The following PDLIM1 variants were observed in gnomAD, a reference collection of about 807,000 sequenced individuals.
PDLIM1 encodes PDZ and LIM domain 1.
PDLIM1 carries 25 observed loss-of-function variants against 35.2 expected under a neutral mutation model. That is an observed-to-expected ratio of 0.71 (90% CI 0.52 to 0.99). The LOEUF (loss-of-function observed/expected upper bound fraction) is 0.99. Among genes scored for constraint, PDLIM1 ranks in the 50% least tolerant of loss-of-function variants. PDLIM1 has a pLI of 0.00. For missense variants in PDLIM1, 363 were observed against 415.3 expected (o/e 0.87, Z 1.09); for synonymous variants, 152 against 154.0 (o/e 0.99, Z 0.10).
At chr10:95,289,458 A>G (rs1336247659) in intron 1 of PDLIM1, among the ~76,000 whole-genome samples, 1 of 152,192 alleles carries the variant, frequency 6.6e-6, no homozygotes, top group African/African-American at 2.4e-5. Context: ...GTGGAAGATA[A>G]GGCCCAAAAA....
intron 2 of PDLIM1, among the ~76,000 whole-genome samples, chr10:95,271,248 C>G (rs1399012681): frequency 6.6e-6 from 1 of 150,622 alleles, no homozygotes; most frequent in African/African-American, 2.4e-5. Context: ...GCCAGCCTGG[C>G]CAACATGGTG....
At position 95,268,774 on chromosome 10, in the gene PDLIM1, T is replaced by G; in HGVS notation, c.333+4A>C. 6.3e-7 allele frequency: 1 copy of G among 1,595,840 alleles called. No homozygotes were observed. The highest frequency in any genetic ancestry group is 8.6e-7 in the Non-Finnish European group (1 of 1,163,302). On this transcript the variant is annotated splice_donor_region_variant and intron_variant, in intron 3 of 6. Transcript: ENST00000329399. Reference sequence around the variant, plus strand: ...AGCAGCGGCAACGATGAGCAAGAACTTACCTGGGGTTCAGAGGCTAAATTC... The same window carrying G: ...AGCAGCGGCAACGATGAGCAAGAACGTACCTGGGGTTCAGAGGCTAAATTC...
chr10:95,288,476 CCTCA>C (rs1160135992), intron 1 of PDLIM1, among the ~76,000 whole-genome samples: 1 of 152,138 alleles, frequency 6.6e-6, no homozygotes, highest in African/African-American at 2.4e-5. Context: ...GCTCACATTT[CCTCA>C]CTATCACTAT....
At chr10:95,281,381 C>G (rs2035559947) in intron 1 of PDLIM1, among the ~76,000 whole-genome samples, 1 of 151,798 alleles carries the variant, frequency 6.6e-6, no homozygotes, top group African/African-American at 2.4e-5. Context: ...GATCTTGAAA[C>G]TAGTCCGGGC....
intron 5 of PDLIM1, among the ~76,000 whole-genome samples, chr10:95,243,618 T>A (rs752703450): frequency 4.6e-5 from 7 of 152,126 alleles, no homozygotes; most frequent in Non-Finnish European, 1.0e-4. Context: ...TGAACTAGTC[T>A]CCAGTTTTCT....
chr10:95,257,035 AAAG>A (rs1428326183), intron 4 of PDLIM1, among the ~76,000 whole-genome samples: 1 of 149,896 alleles, frequency 6.7e-6, no homozygotes, highest in East Asian at 2.0e-4. Flanking sequence ...AGAAAGAAAG[AAAG>A]AATTCAAAAT....
intron 4 of PDLIM1, among the ~76,000 whole-genome samples, chr10:95,255,038 GAAGA>G (rs2035298178): frequency 6.6e-6 from 1 of 151,958 alleles, no homozygotes; most frequent in Non-Finnish European, 1.5e-5. Flanking sequence ...AGAAAACCTA[GAAGA>G]AATAGATAAA....
chr10:95,263,519 C>T (rs1005734383), intron 4 of PDLIM1, among the ~76,000 whole-genome samples: 4 of 152,146 alleles, frequency 2.6e-5, no homozygotes, highest in African/African-American at 7.2e-5. Context: ...AAGAATTTCT[C>T]GGGAAGCAGC....
chr10:95,240,930 A>G (rs920489507), intron 5 of PDLIM1, among the ~76,000 whole-genome samples: 3 of 152,146 alleles, frequency 2.0e-5, no homozygotes, highest in Non-Finnish European at 2.9e-5. Context: ...AGGCCTTGTT[A>G]ACACACAGAT....
intron 1 of PDLIM1, among the ~76,000 whole-genome samples, chr10:95,276,771 G>A (rs894726261): frequency 6.6e-5 from 10 of 151,936 alleles, no homozygotes; most frequent in East Asian, 1.9e-4. Flanking sequence ...GCTGGTGAGC[G>A]GCAGGCCACA....
intron 1 of PDLIM1, among the ~76,000 whole-genome samples, chr10:95,282,989 C>T (rs2035573408): frequency 6.6e-6 from 1 of 152,126 alleles, no homozygotes; most frequent in East Asian, 1.9e-4. Context: ...CTCCTATGAA[C>T]CCTACGTGCT....
intron 4 of PDLIM1, among the ~76,000 whole-genome samples, chr10:95,259,970 T>C (rs895644995): frequency 3.3e-5 from 5 of 152,196 alleles, no homozygotes; most frequent in African/African-American, 4.8e-5. Flanking sequence ...GAAAGAAGTG[T>C]ACCATAAGCC....
At chr10:95,281,670 T>A (rs973360277) in intron 1 of PDLIM1, among the ~76,000 whole-genome samples, 3 of 152,220 alleles carry the variant, frequency 2.0e-5, no homozygotes, top group East Asian at 1.9e-4. Context: ...TTGTTTTTTT[T>A]AAATAGAGAT....
chr10:95,256,990 G>GAAAAGAAAAGAAAAGAAAAGA (rs372697818), intron 4 of PDLIM1, among the ~76,000 whole-genome samples: 25 of 90,598 alleles, frequency 2.8e-4, no homozygotes, highest in Non-Finnish European at 4.4e-4. Context: ...AAAAAAAAAA[G>GAAAAGAAAAGAAAAGAAAAGA]AAAGAAAGAA....
chr10:95,267,668 T>C (rs1418930718), intron 3 of PDLIM1, among the ~76,000 whole-genome samples: 1 of 152,192 alleles, frequency 6.6e-6, no homozygotes, highest in Non-Finnish European at 1.5e-5. Context: ...TTTGAGAAAA[T>C]ATGACTTATA....
chr10:95,244,124 CATTTT>C, intron 5 of PDLIM1, among the ~76,000 whole-genome samples: 1 of 152,050 alleles, frequency 6.6e-6, no homozygotes, highest in African/African-American at 2.4e-5. Flanking sequence ...TATATTTCAC[CATTTT>C]TCTTAATATA....
chr10:95,275,896 T>G, intron 1 of PDLIM1, among the ~76,000 whole-genome samples: 1 of 152,134 alleles, frequency 6.6e-6, no homozygotes, highest in East Asian at 1.9e-4. Flanking sequence ...TCTTTGTTTT[T>G]TTTTTAAAGC....
At chr10:95,251,620 C>T (rs2035268716) in intron 4 of PDLIM1, among the ~76,000 whole-genome samples, 1 of 152,162 alleles carries the variant, frequency 6.6e-6, no homozygotes, top group Non-Finnish European at 1.5e-5. Context: ...ATAAAACTAC[C>T]TGTATGTGAG....
chr10:95,269,572 A>C (rs1383481489), intron 2 of PDLIM1, among the ~76,000 whole-genome samples: 6 of 14,420 alleles, frequency 4.2e-4, no homozygotes, highest in Non-Finnish European at 1.5e-3. Flanking sequence ...ACTCCATCCC[A>C]AAAAAAAAAA....
Sources: allele counts gnomAD v4.1 joint callset (sites outside exome capture counted in the v4.1 genomes callset), GRCh38; gene constraint gnomAD v4.1.1; transcripts MANE v1.5; gene names NCBI Gene and HGNC (gene_info 2026-07-23, HGNC 2026-07-21).